The following RGS7 variants were observed in gnomAD, a reference collection of about 807,000 sequenced individuals.
The protein encoded by RGS7 is regulator of G-protein signaling 7.
RGS7 carries 27 observed loss-of-function variants against 81.1 expected under a neutral mutation model. The ratio of observed to expected loss-of-function variants is 0.33; its 90% CI spans 0.25 to 0.46. The LOEUF (loss-of-function observed/expected upper bound fraction) is 0.46. Ranked by LOEUF, RGS7 falls within the 20% of genes least tolerant of loss-of-function variation. RGS7 has a pLI of 1.00. For synonymous variants in RGS7, 208 were observed against 207.7 expected (o/e 1.00, Z -0.01); for missense variants, 396 against 607.4 (o/e 0.65, Z 3.66).
intron 6 of RGS7, among the ~76,000 whole-genome samples, chr1:240,907,738 G>A (rs1671055428): frequency 2.6e-5 from 4 of 152,172 alleles, no homozygotes; most frequent in Admixed American, 2.6e-4. Context: ...CCCGTAATAA[G>A]TGAGCAACGT....
chr1:241,259,667 A>AAAATATATAT, intron 2 of RGS7, among the ~76,000 whole-genome samples: 14 of 49,138 alleles, frequency 2.8e-4, no homozygotes, highest in African/African-American at 1.0e-3. Context: ...AAAAAAAAAA[A>AAAATATATAT]ATATATATAT....
intron 3 of RGS7, among the ~76,000 whole-genome samples, chr1:241,023,678 A>G (rs928150360): frequency 6.6e-6 from 1 of 152,120 alleles, no homozygotes; most frequent in Non-Finnish European, 1.5e-5. Flanking sequence ...CTTAAATAAC[A>G]TCTTCCTTGC....
At chr1:240,949,146 T>G (rs958178079) in intron 4 of RGS7, among the ~76,000 whole-genome samples, 3 of 151,608 alleles carry the variant, frequency 2.0e-5, no homozygotes, top group Non-Finnish European at 4.4e-5. Context: ...AAGAGGGAGG[T>G]CCTTCAATTT....
intron 2 of RGS7, among the ~76,000 whole-genome samples, chr1:241,137,182 C>G (rs2067582090): frequency 6.6e-6 from 1 of 152,082 alleles, no homozygotes; most frequent in Non-Finnish European, 1.5e-5. Flanking sequence ...CAATGTTGTA[C>G]TATCAAAGAC....
Position 240,876,223 on chromosome 1 carries a change from G to A in RGS7, c.386-6104C>T, listed in dbSNP as rs202001322. 1.6e-4 allele frequency among the ~76,000 whole-genome samples: 25 copies of A among 152,216 alleles called. No homozygotes were observed. The East Asian group carries it at 2.7e-3, about 17-fold the overall frequency. On this transcript the variant is annotated intron_variant, in intron 6 of 18. Coordinates refer to ENST00000440928, the MANE Select transcript of RGS7 (RefSeq NM_001364886.1). Reference sequence around the variant, plus strand: ...TGTGGCCTATTGTGTTCCCAGGGGTGCGTGACTCTCATCTAGCACTCTCAG... The same window carrying A: ...TGTGGCCTATTGTGTTCCCAGGGGTACGTGACTCTCATCTAGCACTCTCAG...
At chr1:241,187,799 C>T (rs1247947736) in intron 2 of RGS7, among the ~76,000 whole-genome samples, 1 of 152,150 alleles carries the variant, frequency 6.6e-6, no homozygotes, top group Non-Finnish European at 1.5e-5. Flanking sequence ...CACCTTGAAG[C>T]ATGTTTGTTT....
intron 2 of RGS7, among the ~76,000 whole-genome samples, chr1:241,221,601 G>A (rs765022572): frequency 6.6e-6 from 1 of 152,348 alleles, no homozygotes; most frequent in African/African-American, 2.4e-5. Context: ...TATTCTGGAC[G>A]TTTCTGTGAA....
intron 14 of RGS7, among the ~76,000 whole-genome samples, chr1:240,811,059 C>T (rs564519058): frequency 3.3e-5 from 5 of 152,268 alleles, no homozygotes; most frequent in South Asian, 2.1e-4. Context: ...CTGAAAAGAA[C>T]GTGACCATGC....
At chr1:240,993,234 G>A (rs975350198) in intron 3 of RGS7, among the ~76,000 whole-genome samples, 2 of 148,938 alleles carry the variant, frequency 1.3e-5, no homozygotes, top group Non-Finnish European at 3.0e-5. Context: ...AGGAAAGAAG[G>A]AGAAAGAAAG....
chr1:241,080,257 A>T (rs899533488), intron 3 of RGS7, among the ~76,000 whole-genome samples: 1 of 151,966 alleles, frequency 6.6e-6, no homozygotes, highest in African/African-American at 2.4e-5. Flanking sequence ...TTTCCATTTG[A>T]TATGTATAGT....
chr1:241,164,063 A>G lies in RGS7; in HGVS notation c.79-65301T>C, dbSNP rs2069965931. Among the ~76,000 whole-genome samples, 1 of 152,104 alleles carries G rather than the reference A, an allele frequency of 6.6e-6. No homozygotes were observed. On this transcript the variant is annotated intron_variant, in intron 2 of 18. Transcript: ENST00000440928. The surrounding 1 kb of genome is among the most constrained non-coding windows in gnomAD (Gnocchi z 4.1). Reference sequence around the variant, plus strand: ...TCCCATGATCCCCTGCTTGAGTTCAATTAATTTGCTAGAGTGGCTTTCTGA... The same window carrying G: ...TCCCATGATCCCCTGCTTGAGTTCAGTTAATTTGCTAGAGTGGCTTTCTGA...
intron 2 of RGS7, among the ~76,000 whole-genome samples, chr1:241,177,210 C>G (rs561922531): frequency 6.6e-6 from 1 of 152,312 alleles, no homozygotes; most frequent in South Asian, 2.1e-4. Context: ...CAGTAGGCTA[C>G]TCCACAGAGC....
chr1:240,910,600 C>T (rs755522820), intron 6 of RGS7, among the ~76,000 whole-genome samples: 122 of 152,188 alleles, frequency 8.0e-4, no homozygotes, highest in African/African-American at 2.8e-3. Context: ...ATGTTCCCAG[C>T]ACAAAGAAAT....
chr1:241,096,479 C>G (rs1002897093), intron 3 of RGS7, among the ~76,000 whole-genome samples: 8 of 151,892 alleles, frequency 5.3e-5, no homozygotes. Context: ...CAGAGCACGC[C>G]TGCAAAGTTT....
At chr1:240,944,280 G>GTA (rs1678168411) in intron 4 of RGS7, among the ~76,000 whole-genome samples, 11 of 21,190 alleles carry the variant, frequency 5.2e-4, no homozygotes, top group African/African-American at 1.6e-3. Context: ...GTGTGTGTGT[G>GTA]TGTATATATA....
chr1:241,231,652 C>A (rs1343848279), intron 2 of RGS7, among the ~76,000 whole-genome samples: 2 of 152,192 alleles, frequency 1.3e-5, no homozygotes, highest in Non-Finnish European at 2.9e-5. Context: ...AGCCACCATG[C>A]CTGGCCTCTT....
Position 241,139,624 on chromosome 1 carries a change from AGTGTGAG to A in RGS7, c.79-40869_79-40863del, listed in dbSNP as rs2067780856. 5.9e-5 allele frequency among the ~76,000 whole-genome samples: 9 copies of A among 152,300 alleles called. No homozygotes were observed. The South Asian group carries it at 1.9e-3, about 32-fold the overall frequency. On this transcript the variant is annotated intron_variant, in intron 2 of 18. Transcript: ENST00000440928. ...GCACCACCTTATATTCCCATCAGCA[AGTGTGAG>A]GGGGTCTTATTCACATCCTGGCCAA... is the stretch of plus-strand genomic sequence containing the variant.
chr1:241,277,123 T>A (rs1184764130), intron 2 of RGS7, among the ~76,000 whole-genome samples: 1 of 152,228 alleles, frequency 6.6e-6, no homozygotes, highest in African/African-American at 2.4e-5. Context: ...TTAAAATAGC[T>A]ATGTACTCTC....
At chr1:240,954,483 G>A (rs1490557938) in intron 4 of RGS7, among the ~76,000 whole-genome samples, 1 of 151,886 alleles carries the variant, frequency 6.6e-6, no homozygotes, top group African/African-American at 2.4e-5. Flanking sequence ...ACAAGCTAAA[G>A]GTGAAAACTT....
Sources: allele counts gnomAD v4.1 joint callset (sites outside exome capture counted in the v4.1 genomes callset), GRCh38; gene constraint gnomAD v4.1.1; non-coding constraint Gnocchi (gnomAD v3.1); transcripts MANE v1.5; gene names NCBI Gene and HGNC (gene_info 2026-07-23, HGNC 2026-07-21).